The following GRIK1 variants were observed in gnomAD, a reference collection of about 807,000 sequenced individuals.
GRIK1 encodes the protein glutamate ionotropic receptor kainate type subunit 1, also known as glutamate receptor ionotropic, kainate 1.
A neutral mutation model predicts 105.7 loss-of-function variants in GRIK1; 69 were observed. The observed-to-expected ratio is 0.65, with a 90% CI of 0.54 to 0.80. The LOEUF (loss-of-function observed/expected upper bound fraction) is 0.80. Among genes scored for constraint, GRIK1 ranks in the 30% least tolerant of loss-of-function variants. The probability of loss-of-function intolerance (pLI) is 0.00; values close to 1 mark genes in which losing one functional copy is unlikely to be tolerated. For missense variants in GRIK1, 1,109 were observed against 1,167.3 expected (o/e 0.95, Z 0.73); for synonymous variants, 438 against 431.3 (o/e 1.02, Z -0.19).
intron 1 of GRIK1, among the ~76,000 whole-genome samples, chr21:29,724,710 G>C (rs2064409482): frequency 6.6e-6 from 1 of 152,120 alleles, no homozygotes; most frequent in African/African-American, 2.4e-5. Flanking sequence ...CAGTGGTGTG[G>C]AACAATTTGA....
At chr21:29,795,222 G>A (rs2066525947) in intron 1 of GRIK1, among the ~76,000 whole-genome samples, 2 of 151,782 alleles carry the variant, frequency 1.3e-5, no homozygotes, top group Non-Finnish European at 2.9e-5. Flanking sequence ...TTTTAGTAGA[G>A]ATGGGGTTTC....
rs554247279 is a variant in GRIK1, at chr21:29,895,611, C to A, written c.118+43772G>T. ...CTCCTCCAAGAAATCTTGCCACATC[C>A]TCCCAGATGTAATGAACATTCACGC... On this transcript the variant is annotated intron_variant, in intron 1 of 17. Coordinates refer to ENST00000327783, the MANE Select transcript of GRIK1 (RefSeq NM_001330994.2). Among the ~76,000 whole-genome samples, 3 of 152,282 alleles carry A rather than the reference C, an allele frequency of 2.0e-5. No homozygotes were observed. In the South Asian group the frequency reaches 6.2e-4, roughly 32 times the overall value.
At chr21:29,621,382 T>C (rs887461607) in intron 7 of GRIK1, among the ~76,000 whole-genome samples, 88 of 151,918 alleles carry the variant, frequency 5.8e-4, no homozygotes, top group African/African-American at 2.0e-3. Flanking sequence ...AAATATTCAT[T>C]GGGCCTGAGG....
intron 1 of GRIK1, among the ~76,000 whole-genome samples, chr21:29,725,006 CT>C (rs1226318278): frequency 4.0e-5 from 5 of 126,038 alleles, no homozygotes; most frequent in African/African-American, 1.0e-4. Context: ...CCTTTGCCAC[CT>C]AAAAAAAAAA....
intron 1 of GRIK1, among the ~76,000 whole-genome samples, chr21:29,903,940 A>G (rs540428200): frequency 6.6e-6 from 1 of 152,328 alleles, no homozygotes; most frequent in South Asian, 2.1e-4. Flanking sequence ...AATACCATGC[A>G]GCCATAAAAA....
intron 1 of GRIK1, among the ~76,000 whole-genome samples, chr21:29,886,686 A>G (rs2069641928): frequency 6.6e-6 from 1 of 152,138 alleles, no homozygotes; most frequent in South Asian, 2.1e-4. Context: ...CTTACAATGG[A>G]TCCTTTCAAC....
chr21:29,561,835 G>A lies in GRIK1; in HGVS notation c.2145C>T (p.Ser715=), dbSNP rs1309195662. Residue 715 remains serine (S), a synonymous_variant, in exon 15 of 18, where the codon TCC becomes TCT. Coordinates refer to ENST00000327783, the MANE Select transcript of GRIK1 (RefSeq NM_001330994.2). ...TMTFFKKSKI[S]TYEKMWAFMS... ...TGAAAGCCCACATCTTCTCATAGGT[G>A]GAGATTTTTGATTTCTGGAGGGAAA... 2 of 1,611,278 alleles carry A rather than the reference G, an allele frequency of 1.2e-6. No homozygotes were observed. The highest frequency in any genetic ancestry group is 1.7e-6 in the Non-Finnish European group (2 of 1,177,744).
intron 4 of GRIK1, among the ~76,000 whole-genome samples, chr21:29,655,458 C>G (rs1482574629): frequency 6.6e-6 from 1 of 152,044 alleles, no homozygotes; most frequent in Non-Finnish European, 1.5e-5. Context: ...TTGGAGTTGT[C>G]CATAATGCAC....
At chr21:29,693,724 G>T (rs948244981) in intron 2 of GRIK1, among the ~76,000 whole-genome samples, 172 bp downstream of exon 2, 1 of 152,080 alleles carries the variant, frequency 6.6e-6, no homozygotes, top group Non-Finnish European at 1.5e-5. Context: ...GCTCAGCAAC[G>T]TCCATTAGGT....
intron 7 of GRIK1, among the ~76,000 whole-genome samples, chr21:29,619,164 C>T (rs2061926494): frequency 7.4e-6 from 1 of 135,780 alleles, no homozygotes; most frequent in Non-Finnish European, 1.6e-5. Flanking sequence ...ATGGGTTGGG[C>T]ACGATGCCTC....
chr21:29,599,946 C>T (rs2061487936), intron 7 of GRIK1, among the ~76,000 whole-genome samples: 2 of 152,208 alleles, frequency 1.3e-5, no homozygotes, highest in South Asian at 4.1e-4. Flanking sequence ...ATTAGCCAGG[C>T]GTGGTGGCGC....
In GRIK1 at chr21:29,673,001, G is replaced by A. The variant is rs774926787; in HGVS notation, c.708C>T (p.Ala236=). 9.9e-6 allele frequency: 16 copies of A among 1,611,698 alleles called. No homozygotes were observed. The highest frequency in any genetic ancestry group is 8.0e-5 in the African/African-American group (6 of 74,790). The change falls in exon 4 of 18, where the codon GCC becomes GCT. Residue 236 remains alanine, a synonymous_variant. Coordinates refer to ENST00000327783, the MANE Select transcript of GRIK1 (RefSeq NM_001330994.2). ...YVIFDCSHET[A]AEILKQILFM... is the part of the protein sequence containing the mutation. ...CTCTTACCTGCTTAAGGATTTCAGC[G>A]GCTGTTTCATGTGAACAATCAAATA...
chr21:29,785,561 CAAAAAAAAAAAA>C (rs950219193), intron 1 of GRIK1, among the ~76,000 whole-genome samples: 6 of 58,022 alleles, frequency 1.0e-4, no homozygotes, highest in Admixed American at 6.4e-4. Context: ...GAGACTGTCT[CAAAAAAAAAAAA>C]AAAAAAAAAA....
intron 1 of GRIK1, among the ~76,000 whole-genome samples, chr21:29,901,122 G>C (rs934420591): frequency 1.9e-4 from 29 of 152,274 alleles, no homozygotes; most frequent in African/African-American, 6.3e-4. Context: ...CAGAATCTCT[G>C]GGACACATTT....
At chr21:29,564,832 C>A (rs1205953761) in intron 14 of GRIK1, among the ~76,000 whole-genome samples, 1 of 152,218 alleles carries the variant, frequency 6.6e-6, no homozygotes, top group Non-Finnish European at 1.5e-5. Flanking sequence ...ACAGCTGCAA[C>A]ATTTCTAAAC....
intron 7 of GRIK1, among the ~76,000 whole-genome samples, chr21:29,608,672 C>T (rs1173688500): frequency 2.0e-5 from 3 of 152,094 alleles, no homozygotes; most frequent in Admixed American, 6.6e-5. Flanking sequence ...GTGGTTTCTG[C>T]TTTACTCTCA....
intron 1 of GRIK1, among the ~76,000 whole-genome samples, chr21:29,727,392 A>T (rs442358): frequency 0.75 from 113,576 of 152,130 alleles, 45,322 homozygotes; most frequent in South Asian, 0.89. Flanking sequence ...ATAAAACTTG[A>T]TATAATGGTA....
intron 7 of GRIK1, among the ~76,000 whole-genome samples, chr21:29,604,493 A>C (rs1043847772): frequency 1.3e-5 from 2 of 152,198 alleles, no homozygotes; most frequent in African/African-American, 4.8e-5. Flanking sequence ...GATTAGGGTG[A>C]ATATGCAATG....
chr21:29,826,889 A>G (rs187292206), intron 1 of GRIK1, among the ~76,000 whole-genome samples: 1 of 152,242 alleles, frequency 6.6e-6, no homozygotes, highest in Non-Finnish European at 1.5e-5. Flanking sequence ...ACTTGCTTGT[A>G]TTATAAACCT....
Sources: gnomAD v4.1 joint callset for allele counts (sites outside exome capture counted in the v4.1 genomes callset) on GRCh38, gnomAD v4.1.1 for gene constraint, MANE v1.5 for transcripts, NCBI Gene and HGNC (gene_info 2026-07-23, HGNC 2026-07-21) for gene names.